The following ANKMY1 variants were observed in gnomAD, a reference collection of about 807,000 sequenced individuals.
The protein encoded by ANKMY1 is ankyrin repeat and MYND domain-containing protein 1.
In ANKMY1, 98 loss-of-function variants were observed where a neutral mutation model predicts 102.0. The observed-to-expected ratio is 0.96, with a 90% CI of 0.82 to 1.14. The LOEUF is 1.14. Among genes scored for constraint, ANKMY1 ranks in the 50% most tolerant of loss-of-function variants. The pLI, the probability that ANKMY1 is intolerant of heterozygous loss-of-function variation, is 0.00. For synonymous variants in ANKMY1, 582 were observed against 559.9 expected (o/e 1.04, Z -0.56); for missense variants, 1,330 against 1,347.6 (o/e 0.99, Z 0.20).
chr2:240,531,359 C>G (rs1489940861), intron 4 of ANKMY1, among the ~76,000 whole-genome samples: 1 of 152,216 alleles, frequency 6.6e-6, no homozygotes, highest in Non-Finnish European at 1.5e-5. Context: ...CATACACTTA[C>G]TGTTTTGACC....
At chr2:240,492,439 T>C (rs2076759015) in intron 15 of ANKMY1, among the ~76,000 whole-genome samples, 1 of 152,238 alleles carries the variant, frequency 6.6e-6, no homozygotes, top group African/African-American at 2.4e-5. Flanking sequence ...TTTGTCTGAT[T>C]GGATTATTTC....
intron 2 of ANKMY1, 103 bp downstream of exon 2, chr2:240,557,087 G>A (rs1237387577): frequency 7.9e-7 from 1 of 1,265,526 alleles, no homozygotes; most frequent in Non-Finnish European, 1.0e-6. Flanking sequence ...TTCTCAGGGA[G>A]TAACACAGTT....
At chr2:240,511,331 G>A (rs933587434) in intron 11 of ANKMY1, among the ~76,000 whole-genome samples, 1 of 152,266 alleles carries the variant, frequency 6.6e-6, no homozygotes, top group Admixed American at 6.5e-5. Flanking sequence ...GGCTTGGGCT[G>A]CATCTGCTGC....
At chr2:240,482,792 A>G (rs2075572688) in intron 15 of ANKMY1, among the ~76,000 whole-genome samples, 1 of 152,232 alleles carries the variant, frequency 6.6e-6, no homozygotes, top group Admixed American at 6.5e-5. Context: ...AGAGTGTTCT[A>G]GAGATCTGGT....
upstream of ANKMY1, among the ~76,000 whole-genome samples, chr2:240,559,693 G>A (rs2092776044): frequency 6.6e-6 from 1 of 152,242 alleles, no homozygotes; most frequent in Non-Finnish European, 1.5e-5. Context: ...CTCCACGGAG[G>A]TGATGTCTGG....
At chr2:240,498,303 T>TGGG (rs2077548517) in intron 15 of ANKMY1, among the ~76,000 whole-genome samples, 2 of 146,148 alleles carry the variant, frequency 1.4e-5, no homozygotes, top group African/African-American at 2.6e-5. Flanking sequence ...TGGGGGGGGT[T>TGGG]TATGCATGGG....
At position 240,529,515 on chromosome 2, in the gene ANKMY1, A is replaced by C; in HGVS notation, c.481-6T>G. ...TGGTCCGCTTTGTATAGCCCCTGCC[A>C]AGGAAGCGCAATAGACCGAGGAGAG... On this transcript the variant is annotated splice_region_variant and splice_polypyrimidine_tract_variant and intron_variant, in intron 4 of 17. Transcript: ENST00000401804. This position sits in a 1 kb window ranked among gnomAD's most constrained non-coding sequence, Gnocchi z 4.2. 1 of 1,606,410 alleles carries C rather than the reference A, an allele frequency of 6.2e-7. No individual in the cohort carries two copies. The highest frequency in any genetic ancestry group is 8.5e-7 in the Non-Finnish European group (1 of 1,175,718).
chr2:240,520,012 C>A lies in ANKMY1; in HGVS notation c.2004+350G>T. Reference sequence around the variant, plus strand: ...CTCTCCTGCCTGCGTCCTTGTGATGCTGAGCGTGGGTTGAAAGGAGGCCCG... The same window carrying A: ...CTCTCCTGCCTGCGTCCTTGTGATGATGAGCGTGGGTTGAAAGGAGGCCCG... On this transcript the variant is annotated intron_variant, in intron 9 of 17. Transcript: ENST00000401804. The surrounding 1 kb of genome is among the most constrained non-coding windows in gnomAD (Gnocchi z 4.8). The A allele has an allele frequency of 2.0e-6, 1 of 509,242 alleles. No homozygotes were observed. The highest frequency in any genetic ancestry group is 1.6e-5 in the South Asian group (1 of 64,516). The allele number at this position is 509,242 out of a possible 1,614,324, so 31.5% of individuals were successfully genotyped here. A position where few individuals can be genotyped will look rare whatever the true frequency, so the allele number is the denominator to read the frequency against.
intron 13 of ANKMY1, among the ~76,000 whole-genome samples, chr2:240,503,251 T>C (rs2078519947): frequency 6.6e-6 from 1 of 152,132 alleles, no homozygotes; most frequent in African/African-American, 2.4e-5. Context: ...GCTCTCAAAT[T>C]AGGGAAATTT....
At chr2:240,479,071 C>G (rs1015586135), downstream of ANKMY1, among the ~76,000 whole-genome samples, 1 of 152,228 alleles carries the variant, frequency 6.6e-6, no homozygotes, top group Non-Finnish European at 1.5e-5. Context: ...CAAACACCAT[C>G]GTCCCCAGAA....
chr2:240,552,782 A>C, intron 4 of ANKMY1, 132 bp downstream of exon 4: 1 of 1,386,346 alleles, frequency 7.2e-7, no homozygotes, highest in African/African-American at 1.4e-5. Flanking sequence ...GTACCATTTT[A>C]ATCATTAAAA....
At chr2:240,473,282 TAAG>T in the ANKMY1 span, among the ~76,000 whole-genome samples, 2 of 123,678 alleles carry the variant, frequency 1.6e-5, no homozygotes, top group African/African-American at 3.1e-5. Flanking sequence ...ACCAAAAAAA[TAAG>T]AAAAACAAAT....
rs180998923 is a variant in ANKMY1, at chr2:240,544,321, G to A, written c.480+8593C>T. Among the ~76,000 whole-genome samples, 264 of 152,344 alleles carry A rather than the reference G, an allele frequency of 1.7e-3. 1 individual carries two copies. The highest frequency in any genetic ancestry group is 5.9e-3 in the African/African-American group (247 of 41,578). ...GTCCAAGCATGTCACAGATGGTCTT[G>A]TGTAAAGCATATGTAATTTTTTCCT... On this transcript the variant is annotated intron_variant, in intron 4 of 17. Coordinates refer to ENST00000401804, the MANE Select transcript of ANKMY1 (RefSeq NM_001282771.3).
At chr2:240,503,865 G>A (rs113430848) in intron 13 of ANKMY1, among the ~76,000 whole-genome samples, 7 of 152,338 alleles carry the variant, frequency 4.6e-5, no homozygotes, top group Non-Finnish European at 7.3e-5. Context: ...GGTCCAATAT[G>A]ACCATTGTCT....
Position 240,500,538 on chromosome 2 carries a change from C to T in ANKMY1, c.2554G>A (p.Asp852Asn), listed in dbSNP as rs147582329. Residue 852 changes from aspartate (D) to asparagine (N), a missense_variant, in exon 14 of 18, where the codon GAC (aspartate) becomes AAC (asparagine). Physicochemically the swap from Asp to Asn is conservative, Grantham distance 23. Transcript: ENST00000401804. ...CTGAGCATTACAGGCTTCAGGATGT[C>T]GGCCCCGTGACTGATGAGTCGGTCA... Reference protein sequence around the residue: ...LIDRLISHGADILKPVMLRQG... With the variant: ...LIDRLISHGANILKPVMLRQG... 1,289 of 1,614,148 alleles carry T rather than the reference C, an allele frequency of 8.0e-4. 3 individuals are homozygous for T. Among genetic ancestry groups the T allele is most frequent in the Non-Finnish European group, 9.9e-4 (1,173 of 1,180,008 alleles).
At position 240,520,580 on chromosome 2, in the gene ANKMY1, C is replaced by T. The variant is rs780331653; in HGVS notation, c.1833-47G>A. 1.9e-6 allele frequency: 3 copies of T among 1,567,156 alleles called. No individual in the cohort carries two copies. Among genetic ancestry groups the T allele is most frequent in the Non-Finnish European group, 2.6e-6 (3 of 1,156,588 alleles). Reference sequence around the variant, plus strand: ...TGGGCCCCTGGAGGGCAGGCACCTGCACTGCGCCCAGAACGGGGCCATGCC... The same window carrying T: ...TGGGCCCCTGGAGGGCAGGCACCTGTACTGCGCCCAGAACGGGGCCATGCC... On this transcript the variant is annotated intron_variant, in intron 8 of 17. Coordinates refer to ENST00000401804, the MANE Select transcript of ANKMY1 (RefSeq NM_001282771.3). This position sits in a 1 kb window ranked among gnomAD's most constrained non-coding sequence, Gnocchi z 4.8.
Position 240,554,993 on chromosome 2 carries a change from T to A in ANKMY1, c.209A>T (p.Asp70Val). The A allele has an allele frequency of 1.2e-6, 2 of 1,614,154 alleles. No individual in the cohort carries two copies. Residue 70 changes from aspartate to valine, a missense_variant, in exon 3 of 18, where the codon GAC (aspartate) becomes GTC (valine). Physicochemically the swap from Asp to Val is radical, Grantham distance 152 (BLOSUM62 -3). Coordinates refer to ENST00000401804, the MANE Select transcript of ANKMY1 (RefSeq NM_001282771.3). ...GAGCTGGATGTAGGACTCCCTCAGGTCCTGCGCCCTCAGCGGGCCCTCAGC... is the reference window on the plus strand; with the variant it reads ...GAGCTGGATGTAGGACTCCCTCAGGACCTGCGCCCTCAGCGGGCCCTCAGC... The part of the protein sequence containing the change: ...EEAEGPLRAQ[D>V]LRESYIQLVQ...
chr2:240,509,573 C>A, intron 11 of ANKMY1, 118 bp from the exon 12 acceptor site: 1 of 702,436 alleles, frequency 1.4e-6, no homozygotes, highest in Non-Finnish European at 2.4e-6. Context: ...TACTTCCTGC[C>A]AACCATTACC....
At chr2:240,546,472 C>A (rs1156405123) in intron 4 of ANKMY1, among the ~76,000 whole-genome samples, 1 of 152,114 alleles carries the variant, frequency 6.6e-6, no homozygotes, top group Non-Finnish European at 1.5e-5. Flanking sequence ...AAATAACCAG[C>A]TAACATCATA....
Sources: gnomAD v4.1 joint callset for allele counts (sites outside exome capture counted in the v4.1 genomes callset) on GRCh38, gnomAD v4.1.1 for gene constraint, Gnocchi (gnomAD v3.1) non-coding constraint, MANE v1.5 for transcripts, NCBI Gene and HGNC (gene_info 2026-07-23, HGNC 2026-07-21) for gene names.